The following ANKRD44 variants were observed in gnomAD, a reference collection of about 807,000 sequenced individuals.
ANKRD44 encodes the protein ankyrin repeat domain 44.
Under a neutral mutation model 116.0 loss-of-function variants are expected in ANKRD44, and 35 were observed. The observed-to-expected ratio is 0.30, with a 90% CI of 0.23 to 0.40. The LOEUF (loss-of-function observed/expected upper bound fraction) is 0.40. Ranked by LOEUF, ANKRD44 falls within the 10% of genes least tolerant of loss-of-function variation. The pLI, the probability that ANKRD44 is intolerant of heterozygous loss-of-function variation, is 1.00. For missense variants in ANKRD44, 1,014 were observed against 1,242.6 expected (o/e 0.82, Z 2.77); for synonymous variants, 435 against 461.8 (o/e 0.94, Z 0.74).
chr2:197,271,317 A>G (rs752643506), intron 1 of ANKRD44, among the ~76,000 whole-genome samples: 28 of 152,318 alleles, frequency 1.8e-4, no homozygotes, highest in Non-Finnish European at 2.9e-4. Flanking sequence ...AACAGGCCTG[A>G]GGGAGCTTGT....
intron 1 of ANKRD44, among the ~76,000 whole-genome samples, chr2:197,190,075 T>C (rs962561241): frequency 6.6e-6 from 1 of 152,114 alleles, no homozygotes; most frequent in African/African-American, 2.4e-5. Flanking sequence ...TTATAGAGAA[T>C]TGTCAAGGCA....
At chr2:197,122,907 AT>A (rs2078890776) in intron 6 of ANKRD44, 115 bp from the exon 7 acceptor site, 7 of 1,304,700 alleles carry the variant, frequency 5.4e-6, no homozygotes, top group Non-Finnish European at 5.2e-6. Context: ...TTGCTGAGTT[AT>A]TTGTAAAAAG....
intron 9 of ANKRD44, among the ~76,000 whole-genome samples, chr2:197,102,994 C>G (rs10200322): frequency 0.03 from 4,488 of 151,926 alleles, 125 homozygotes; most frequent in African/African-American, 0.073. Flanking sequence ...CTCTGGGAGG[C>G]CAAGGTGGGC....
At position 197,218,751 on chromosome 2, in the gene ANKRD44, C is replaced by CTTTTTTTTTTTTTTTTTTTT. The variant is rs138330364; in HGVS notation, c.28-31665_28-31646dup. On this transcript the variant is annotated intron_variant, in intron 1 of 27. Transcript: ENST00000282272. ...TTCCTGGTATGGGAGGGTAAAGTCC[C>CTTTTTTTTTTTTTTTTTTTT]TTTTTTTTTTTTTTTTTTTTTTTTT... 2.1e-3 allele frequency among the ~76,000 whole-genome samples: 110 copies of CTTTTTTTTTTTTTTTTTTTT among 52,342 alleles called. 17 individuals carry two copies. The highest frequency in any genetic ancestry group is 3.2e-3 in the South Asian group (3 of 936). The allele number at this position is 52,342 out of a possible 152,430, so 34.3% of individuals were successfully genotyped here.
chr2:197,254,548 A>G (rs1467220827), intron 1 of ANKRD44, among the ~76,000 whole-genome samples: 2 of 152,012 alleles, frequency 1.3e-5, no homozygotes, highest in Admixed American at 1.3e-4. Context: ...ATTCTTGCAA[A>G]TGTTCTACCT....
At chr2:197,133,107 T>C (rs2697264) in intron 4 of ANKRD44, among the ~76,000 whole-genome samples, 141,554 of 152,252 alleles carry the variant, frequency 0.93, 66,095 homozygotes, top group East Asian at 1. Flanking sequence ...CAGCTTCACA[T>C]GATGACACTA....
At chr2:197,029,620 G>C (rs1331435587) in intron 16 of ANKRD44, 2 of 392,444 alleles carry the variant, frequency 5.1e-6, no homozygotes, top group South Asian at 4.0e-5. Flanking sequence ...AGTCACTCCA[G>C]GGATGTTTCT....
chr2:197,001,383 C>G (rs1046674211), intron 22 of ANKRD44, among the ~76,000 whole-genome samples: 1 of 152,128 alleles, frequency 6.6e-6, no homozygotes, highest in African/African-American at 2.4e-5. Context: ...AAAAGTTGTC[C>G]CAGTGTGAAA....
chr2:197,005,720 G>T lies in ANKRD44; in HGVS notation c.2321C>A (p.Thr774Lys). The change falls in exon 21 of 28, where the codon ACG (threonine) becomes AAG (lysine). Residue 774 changes from threonine to lysine, a missense_variant. Physicochemically the swap from Thr to Lys is moderately conservative, Grantham distance 78 (BLOSUM62 -1). Coordinates refer to ENST00000282272, the MANE Select transcript of ANKRD44 (RefSeq NM_001195144.2). Reference sequence around the variant, plus strand: ...ATTGTAACAAGCCCAGTGCAGCGGCGTGTAGCCTTGGTTATCTTTGAAACA... The same window carrying T: ...ATTGTAACAAGCCCAGTGCAGCGGCTTGTAGCCTTGGTTATCTTTGAAACA... Reference protein sequence around the residue: ...DCCFKDNQGYTPLHWACYNGN... With the variant: ...DCCFKDNQGYKPLHWACYNGN... 1 of 1,614,214 alleles carries T rather than the reference G, an allele frequency of 6.2e-7. No individual in the cohort carries two copies. The highest frequency in any genetic ancestry group is 8.5e-7 in the Non-Finnish European group (1 of 1,180,032).
chr2:196,989,897 CA>C, intron 27 of ANKRD44: 1 of 1,192,464 alleles, frequency 8.4e-7, no homozygotes, highest in Non-Finnish European at 1.0e-6. Flanking sequence ...AATAAATTAA[CA>C]AAGGGTAGTT....
chr2:197,007,731 T>G (rs2125911870), intron 20 of ANKRD44, 75 bp downstream of exon 20: 2 of 997,210 alleles, frequency 2.0e-6, no homozygotes, highest in East Asian at 4.8e-5. Context: ...GTAGGCCCTT[T>G]GTAATTGTTT....
intron 8 of ANKRD44, among the ~76,000 whole-genome samples, chr2:197,119,112 G>T (rs1343740337): frequency 6.6e-6 from 1 of 151,744 alleles, no homozygotes. Context: ...TCCCTAAGTT[G>T]CTCTTATTTT....
intron 2 of ANKRD44, among the ~76,000 whole-genome samples, chr2:197,169,754 C>T (rs1037302668): frequency 1.3e-5 from 2 of 152,186 alleles, no homozygotes; most frequent in Admixed American, 1.3e-4. Context: ...TTTTAACAAG[C>T]CTTCCAGGAT....
intron 21 of ANKRD44, among the ~76,000 whole-genome samples, chr2:197,004,822 C>T (rs2076174157): frequency 1.3e-5 from 2 of 151,996 alleles, no homozygotes; most frequent in South Asian, 4.1e-4. Flanking sequence ...TGCTGCATTG[C>T]TTGTAATAGG....
intron 1 of ANKRD44, among the ~76,000 whole-genome samples, chr2:197,276,150 C>A (rs1056081947): frequency 2.0e-5 from 3 of 151,822 alleles, no homozygotes; most frequent in Non-Finnish European, 4.4e-5. Context: ...TGGCACGCAC[C>A]TGTAATCCCA....
At chr2:197,172,407 C>T (rs1414666169) in intron 2 of ANKRD44, among the ~76,000 whole-genome samples, 1 of 152,184 alleles carries the variant, frequency 6.6e-6, no homozygotes, top group Non-Finnish European at 1.5e-5. Context: ...TACTTCCTGA[C>T]ACTGTTGAGT....
chr2:197,086,805 T>G lies in ANKRD44; in HGVS notation c.1248-57A>C, dbSNP rs190634305. The G allele has an allele frequency of 7.0e-5, 106 of 1,524,214 alleles. No homozygotes were observed. The Admixed American group carries it at 1.4e-3, about 20-fold the overall frequency. The allele number at this position is 1,524,214 out of a possible 1,614,324, so 94.4% of individuals were successfully genotyped here. The stretch of plus-strand genomic sequence containing the variant: ...GAAGAGATCAATTACTGGCCTATCT[T>G]CAGCAAGAGCTATTTTCTGCAGAGT... On this transcript the variant is annotated intron_variant, in intron 12 of 27. Transcript: ENST00000282272.
intron 2 of ANKRD44, among the ~76,000 whole-genome samples, chr2:197,171,065 C>T (rs1017123421): frequency 1.3e-5 from 2 of 152,212 alleles, no homozygotes; most frequent in South Asian, 4.1e-4. Flanking sequence ...TGATTAGTTT[C>T]TTAATGAAAT....
chr2:197,160,458 AT>A (rs2079931978), intron 2 of ANKRD44, among the ~76,000 whole-genome samples: 1 of 152,146 alleles, frequency 6.6e-6, no homozygotes, highest in African/African-American at 2.4e-5. Context: ...CAGCCAGCCA[AT>A]AGCAGTGCTT....
Sources: allele counts gnomAD v4.1 joint callset (sites outside exome capture counted in the v4.1 genomes callset), GRCh38; gene constraint gnomAD v4.1.1; transcripts MANE v1.5; gene names NCBI Gene and HGNC (gene_info 2026-07-23, HGNC 2026-07-21).